Variants in DENND4C observed in about 807,000 individuals in gnomAD.
DENND4C encodes DENN domain-containing protein 4C.
Under a neutral mutation model 203.0 loss-of-function variants are expected in DENND4C, and 108 were observed. The ratio of observed to expected loss-of-function variants is 0.53; its 90% CI spans 0.46 to 0.62. The LOEUF (loss-of-function observed/expected upper bound fraction) is 0.62, where lower values mean the gene tolerates loss of function less well. Among genes scored for constraint, DENND4C ranks in the 20% least tolerant of loss-of-function variants. DENND4C has a pLI of 0.00. For missense variants in DENND4C, 2,481 were observed against 2,301.2 expected (o/e 1.08, Z -1.60); for synonymous variants, 871 against 792.4 (o/e 1.10, Z -1.67).
chr9:19,361,614 T>C (rs1046719901), intron 29 of DENND4C, among the ~76,000 whole-genome samples: 1 of 152,230 alleles, frequency 6.6e-6, no homozygotes, highest in African/African-American at 2.4e-5. Flanking sequence ...ACAACCATCA[T>C]GCCAGTTAGC....
intron 26 of DENND4C, among the ~76,000 whole-genome samples, chr9:19,354,888 C>T (rs760482348): frequency 6.7e-5 from 10 of 149,636 alleles, no homozygotes; most frequent in Non-Finnish European, 1.3e-4. Context: ...TGTTCATTGC[C>T]TATTTTTTTT....
At chr9:19,235,396 G>C (rs1821683079) in intron 1 of DENND4C, among the ~76,000 whole-genome samples, 1 of 152,202 alleles carries the variant, frequency 6.6e-6, no homozygotes, top group African/African-American at 2.4e-5. Context: ...TGCATTCATT[G>C]AGTGAAAATC....
At chr9:19,351,178 A>G (rs116097803) in intron 24 of DENND4C, among the ~76,000 whole-genome samples, 1 of 152,182 alleles carries the variant, frequency 6.6e-6, no homozygotes, top group African/African-American at 2.4e-5. Context: ...CTGATCTTGT[A>G]TGATTTATAA....
At position 19,361,143 on chromosome 9, in the gene DENND4C, G is replaced by A. The variant is rs370211640; in HGVS notation, c.5406+654G>A. Among the ~76,000 whole-genome samples the A allele has an allele frequency of 9.5e-4, 144 of 152,282 alleles. 1 individual carries two copies. The highest frequency in any genetic ancestry group is 3.4e-3 in the Middle Eastern group (1 of 294). On this transcript the variant is annotated intron_variant, in intron 29 of 32. Coordinates refer to ENST00000434457, the MANE Select transcript of DENND4C (RefSeq NM_001330640.2). ...CCTCCCAACTGCTGGGATTACAGGC[G>A]TGAGCGACTGTGCCCGGCTGGTAGC...
intron 26 of DENND4C, among the ~76,000 whole-genome samples, chr9:19,356,676 A>C (rs1825479678): frequency 6.6e-6 from 1 of 151,606 alleles, no homozygotes; most frequent in Non-Finnish European, 1.5e-5. Context: ...AGTTTTCTTT[A>C]GTGGTTCTCA....
chr9:19,250,905 C>T (rs1482860065), intron 1 of DENND4C, among the ~76,000 whole-genome samples: 1 of 152,232 alleles, frequency 6.6e-6, no homozygotes, highest in East Asian at 1.9e-4. Flanking sequence ...GGTGTGCTTT[C>T]ATGGGCTGGT....
chr9:19,348,256 C>G (rs1386735573), intron 23 of DENND4C, among the ~76,000 whole-genome samples: 2 of 152,130 alleles, frequency 1.3e-5, no homozygotes, highest in African/African-American at 2.4e-5. Flanking sequence ...GATGATACAA[C>G]TAGGGAATAG....
At chr9:19,351,152 C>A (rs918322359) in intron 24 of DENND4C, among the ~76,000 whole-genome samples, 1 of 152,066 alleles carries the variant, frequency 6.6e-6, no homozygotes, top group Non-Finnish European at 1.5e-5. Flanking sequence ...TAATACTAGC[C>A]GCCTTATGAT....
At chr9:19,302,038 G>A (rs1443226546) in intron 9 of DENND4C, among the ~76,000 whole-genome samples, 1 of 152,176 alleles carries the variant, frequency 6.6e-6, no homozygotes, top group Admixed American at 6.5e-5. Flanking sequence ...GATTTCAGTA[G>A]TATGGTGCAA....
At chr9:19,315,395 A>G (rs924695528) in intron 10 of DENND4C, among the ~76,000 whole-genome samples, 1 of 151,696 alleles carries the variant, frequency 6.6e-6, no homozygotes, top group Non-Finnish European at 1.5e-5. Flanking sequence ...TTAACCATGA[A>G]TTTTAAAGAA....
chr9:19,318,214 G>T (rs1842167780), intron 12 of DENND4C, among the ~76,000 whole-genome samples: 1 of 152,132 alleles, frequency 6.6e-6, no homozygotes, highest in Non-Finnish European at 1.5e-5. Context: ...AGCTATTCGG[G>T]AGGCTAAGGG....
Position 19,372,451 on chromosome 9 carries a change from T to A in DENND4C, c.*278T>A. The A allele has an allele frequency of 3.4e-6, 1 of 294,658 alleles. No individual in the cohort carries two copies. The highest frequency in any genetic ancestry group is 6.0e-5 in the East Asian group (1 of 16,648). The allele number at this position is 294,658 out of a possible 1,614,324, so 18.3% of individuals were successfully genotyped here. ...CTTTGGGATTCTTCAGTATTTGTAG[T>A]AGTTTGATAGAAATAATGAGGAACC... On this transcript the variant is annotated 3_prime_UTR_variant, in exon 33 of 33. Transcript: ENST00000434457.
At chr9:19,366,116 A>G (rs923781880) in intron 30 of DENND4C, among the ~76,000 whole-genome samples, 13 of 152,226 alleles carry the variant, frequency 8.5e-5, no homozygotes, top group African/African-American at 3.1e-4. Flanking sequence ...CACGAAAACA[A>G]TCTTGAAAAA....
intron 1 of DENND4C, among the ~76,000 whole-genome samples, chr9:19,268,917 G>A (rs1254878885): frequency 6.6e-6 from 1 of 152,040 alleles, no homozygotes; most frequent in African/African-American, 2.4e-5. Context: ...AGGTAGTTTT[G>A]AGTTAAATTT....
chr9:19,348,174 G>C (rs1460827383), intron 23 of DENND4C, among the ~76,000 whole-genome samples: 1 of 152,196 alleles, frequency 6.6e-6, no homozygotes, highest in East Asian at 1.9e-4. Flanking sequence ...GCAACCCCAT[G>C]AGGGTGGTAC....
At chr9:19,329,144 A>T (rs935093651) in intron 16 of DENND4C, among the ~76,000 whole-genome samples, 1 of 152,218 alleles carries the variant, frequency 6.6e-6, no homozygotes, top group African/African-American at 2.4e-5. Flanking sequence ...AGGTTTGTGC[A>T]ACTACCACCA....
intron 18 of DENND4C, among the ~76,000 whole-genome samples, chr9:19,335,505 C>G (rs954850953): frequency 3.3e-5 from 5 of 152,096 alleles, no homozygotes; most frequent in African/African-American, 9.7e-5. Context: ...TCCAGTGTCC[C>G]CTTTCCCCTT....
intron 26 of DENND4C, among the ~76,000 whole-genome samples, chr9:19,353,712 C>T (rs1230008214): frequency 6.6e-6 from 1 of 150,394 alleles, no homozygotes; most frequent in Non-Finnish European, 1.5e-5. Context: ...GCAGGCAGAT[C>T]ACTTGAGGTC....
Position 19,346,830 on chromosome 9 carries a change from C to G in DENND4C, c.4061C>G (p.Thr1354Ser). Residue 1354 changes from threonine to serine, a missense_variant, in exon 23 of 33, where the codon ACT (threonine) becomes AGT (serine). Coordinates refer to ENST00000434457, the MANE Select transcript of DENND4C (RefSeq NM_001330640.2). ...KSSPAVSRSKTFTGRFKQQTP... is the reference protein window; with the variant it reads ...KSSPAVSRSKSFTGRFKQQTP... The stretch of plus-strand genomic sequence containing the variant: ...TCACCTGCAGTGTCCAGGTCTAAAA[C>G]TTTTACTGGGCGTTTCAAGCAGCAA... The G allele has an allele frequency of 6.2e-7, 1 of 1,614,190 alleles. No homozygotes were observed. Among genetic ancestry groups the G allele is most frequent in the Non-Finnish European group, 8.5e-7 (1 of 1,180,038 alleles).
Sources: gnomAD v4.1 joint callset for allele counts (sites outside exome capture counted in the v4.1 genomes callset) on GRCh38, gnomAD v4.1.1 for gene constraint, MANE v1.5 for transcripts, NCBI Gene and HGNC (gene_info 2026-07-23, HGNC 2026-07-21) for gene names.